DNAH14: variants seen among roughly 807,000 people sequenced by gnomAD.
DNAH14 encodes the protein dynein axonemal heavy chain 14, also known as axonemal beta dynein heavy chain 14.
DNAH14 carries 478 observed loss-of-function variants against 520.9 expected under a neutral mutation model. The ratio of observed to expected loss-of-function variants is 0.92; its 90% confidence interval spans 0.85 to 0.99. The LOEUF is 0.99. Among genes scored for constraint, DNAH14 ranks in the 50% least tolerant of loss-of-function variants. The pLI, the probability that DNAH14 is intolerant of heterozygous loss-of-function variation, is 0.00. For synonymous variants in DNAH14, 1,581 were observed against 1,757.2 expected (o/e 0.90, Z 2.51); for missense variants, 4,831 against 5,234.5 (o/e 0.92, Z 2.38).
At chr1:225,021,149 C>G (rs1404313613) in intron 10 of DNAH14, among the ~76,000 whole-genome samples, 1 of 152,150 alleles carries the variant, frequency 6.6e-6, no homozygotes, top group Non-Finnish European at 1.5e-5. Flanking sequence ...CCACATACCT[C>G]AAAATAATCA....
At chr1:225,275,460 A>G (rs560035273) in intron 52 of DNAH14, among the ~76,000 whole-genome samples, 2 of 152,290 alleles carry the variant, frequency 1.3e-5, no homozygotes, top group East Asian at 3.9e-4. Context: ...GTAGCCCATG[A>G]CCTTGGTGTG....
rs1450706937 is a variant in DNAH14, at chr1:225,322,754, G to C, written c.9426G>C (p.Lys3142Asn). 5 of 1,551,644 alleles carry C rather than the reference G, an allele frequency of 3.2e-6. No homozygotes were observed. In the African/African-American group the frequency reaches 5.5e-5, roughly 17 times the overall value. The change falls in exon 62 of 86, where the codon AAG becomes AAC. Residue 3142 changes from lysine to asparagine, a missense_variant. Physicochemically the swap from Lys to Asn is moderately conservative, Grantham distance 94. Coordinates refer to ENST00000682510, the MANE Select transcript of DNAH14 (RefSeq NM_001367479.1). The stretch of plus-strand genomic sequence containing the variant: ...AGAAACCTAACTGGGCAACGGCAAA[G>C]TTACTTCTTTCAGAAACTGGTTTCC... ...LQKKPNWATA[K>N]LLLSETGFLK... is the part of the protein sequence containing the mutation.
chr1:225,286,281 T>A (rs1553297988), intron 54 of DNAH14, among the ~76,000 whole-genome samples: 1 of 152,150 alleles, frequency 6.6e-6, no homozygotes, highest in Non-Finnish European at 1.5e-5. Context: ...TTGAATGTTT[T>A]CAAAATGCTA....
At chr1:224,972,470 A>AT (rs879734100) in intron 7 of DNAH14, among the ~76,000 whole-genome samples, 13,313 of 123,596 alleles carry the variant, frequency 0.11, 1,931 homozygotes, top group African/African-American at 0.35. Context: ...CACCTGGCTA[A>AT]TTTTTTTTTT....
intron 7 of DNAH14, chr1:224,969,635 A>T (rs1459884940): frequency 1.9e-5 from 5 of 266,736 alleles, no homozygotes; most frequent in African/African-American, 1.2e-4. Flanking sequence ...TTGTTGCAGG[A>T]AGTCAGGGAC....
intron 64 of DNAH14, among the ~76,000 whole-genome samples, chr1:225,327,887 A>G (rs2150252973): frequency 6.6e-6 from 1 of 152,268 alleles, no homozygotes; most frequent in South Asian, 2.1e-4. Flanking sequence ...AGGTCTTTTT[A>G]AATGACCCAG....
intron 68 of DNAH14, among the ~76,000 whole-genome samples, chr1:225,339,065 G>A (rs12756579): frequency 6.6e-6 from 1 of 151,810 alleles, no homozygotes; most frequent in South Asian, 2.1e-4. Flanking sequence ...GGGAAGCTGA[G>A]GTGGGTGGAT....
chr1:225,337,448 C>A lies in DNAH14; in HGVS notation c.10263C>A (p.Thr3421=). ...TCTCCATTGAAGACAGCAATTATAC[C>A]AAAAAAATTGAAAATGCTATGAAGA... The part of the protein sequence containing the change: ...QKLSIEDSNY[T]KKIENAMKTG... Residue 3421 remains threonine (T), a synonymous_variant, in exon 67 of 86, where the codon ACC becomes ACA. Coordinates refer to ENST00000682510, the MANE Select transcript of DNAH14 (RefSeq NM_001367479.1). 1.0e-5 allele frequency: 16 copies of A among 1,551,588 alleles called. No individual in the cohort carries two copies. The highest frequency in any genetic ancestry group is 1.4e-5 in the Non-Finnish European group (16 of 1,146,958).
chr1:225,158,312 T>C (rs915209194), intron 34 of DNAH14, among the ~76,000 whole-genome samples: 1 of 152,124 alleles, frequency 6.6e-6, no homozygotes, highest in Non-Finnish European at 1.5e-5. Context: ...GAGGGAACTG[T>C]TGTTTTATCC....
In DNAH14 at chr1:225,144,296, T is replaced by A. The variant is rs559343747; in HGVS notation, c.4509-101T>A. 114 of 907,122 alleles carry A rather than the reference T, an allele frequency of 1.3e-4. No homozygotes were observed. The South Asian group carries it at 1.9e-3, about 15-fold the overall frequency. 56.2% of individuals were successfully genotyped at this position (907,122 alleles called of 1,614,324 possible). On this transcript the variant is annotated intron_variant, in intron 28 of 85. Coordinates refer to ENST00000682510, the MANE Select transcript of DNAH14 (RefSeq NM_001367479.1). ...ATTTTTTAACTTCTATTTGTTTTTT[T>A]AATCAATGCTCCATTTTTAATCTTG...
At chr1:225,390,003 C>T in intron 83 of DNAH14, 130 bp downstream of exon 83, 1 of 785,268 alleles carries the variant, frequency 1.3e-6, no homozygotes, top group Non-Finnish European at 2.0e-6. Flanking sequence ...GCCTGGGTCT[C>T]TAGTGTGCAC....
chr1:225,393,821 TTTTG>T (rs2095959382), intron 84 of DNAH14, among the ~76,000 whole-genome samples: 1 of 149,562 alleles, frequency 6.7e-6, no homozygotes, highest in African/African-American at 2.5e-5. Context: ...TTTGTTTTTT[TTTTG>T]TTTTTTTTTT....
intron 49 of DNAH14, among the ~76,000 whole-genome samples, chr1:225,270,140 C>T (rs921905456): frequency 1.3e-5 from 2 of 152,004 alleles, no homozygotes; most frequent in African/African-American, 4.8e-5. Flanking sequence ...TACTATGCAG[C>T]CATAAAAAAG....
chr1:225,058,118 C>T (rs1037676807), intron 17 of DNAH14, among the ~76,000 whole-genome samples: 3 of 152,136 alleles, frequency 2.0e-5, no homozygotes, highest in Non-Finnish European at 4.4e-5. Context: ...CCAGCTCCTC[C>T]TTGTATCTCT....
chr1:224,929,867 C>G (rs2058559601), intron 1 of DNAH14, 32 bp downstream of exon 1: 5 of 647,582 alleles, frequency 7.7e-6, no homozygotes, highest in Non-Finnish European at 1.4e-5. Context: ...TGTCAGCGGT[C>G]GGCAGAGCCT....
chr1:225,384,764 A>C (rs2095821076), intron 81 of DNAH14, among the ~76,000 whole-genome samples: 1 of 152,214 alleles, frequency 6.6e-6, no homozygotes, highest in African/African-American at 2.4e-5. Context: ...AAAGTCCAGG[A>C]CCAGACAGAT....
chr1:225,204,573 G>A (rs1342703270), intron 39 of DNAH14, among the ~76,000 whole-genome samples: 2 of 152,148 alleles, frequency 1.3e-5, no homozygotes, highest in African/African-American at 4.8e-5. Flanking sequence ...AGCACCAGCA[G>A]CAATCTACAA....
intron 41 of DNAH14, among the ~76,000 whole-genome samples, chr1:225,213,003 T>C (rs908261694): frequency 1.3e-5 from 2 of 152,216 alleles, no homozygotes; most frequent in African/African-American, 4.8e-5. Flanking sequence ...TCCTGAATGG[T>C]ATTGCCTAGA....
intron 42 of DNAH14, among the ~76,000 whole-genome samples, chr1:225,235,862 T>C (rs2091536788): frequency 6.6e-6 from 1 of 152,206 alleles, no homozygotes; most frequent in Non-Finnish European, 1.5e-5. Context: ...GTTGGTTGTA[T>C]TTCTATGGAG....
Sources: gnomAD v4.1 joint callset for allele counts (sites outside exome capture counted in the v4.1 genomes callset) on GRCh38, gnomAD v4.1.1 for gene constraint, MANE v1.5 for transcripts, NCBI Gene and HGNC (gene_info 2026-07-23, HGNC 2026-07-21) for gene names.